The following LINGO2 variants were observed in gnomAD, a reference collection of about 807,000 sequenced individuals.
LINGO2 encodes the protein leucine-rich repeat and immunoglobulin-like domain-containing nogo receptor-interacting protein 2.
A neutral mutation model predicts 30.6 loss-of-function variants in LINGO2; 14 were observed. That is an observed-to-expected ratio of 0.46 (90% CI 0.30 to 0.72). The LOEUF (loss-of-function observed/expected upper bound fraction) is 0.72, where lower values mean the gene tolerates loss of function less well. Among genes scored for constraint, LINGO2 ranks in the 30% least tolerant of loss-of-function variants. The probability of loss-of-function intolerance (pLI) is 0.07; values close to 1 mark genes in which losing one functional copy is unlikely to be tolerated. For missense variants in LINGO2, 729 were observed against 751.7 expected, an observed-to-expected ratio of 0.97 and a Z score of 0.35; for synonymous variants, 317 against 288.5, an observed-to-expected ratio of 1.10 and a Z score of -1.00.
chr9:28,100,436 G>A (rs974280676), intron 4 of LINGO2, among the ~76,000 whole-genome samples: 1 of 152,160 alleles, frequency 6.6e-6, no homozygotes, highest in Non-Finnish European at 1.5e-5. Context: ...TGTAGTAAAT[G>A]CTAACATGGA....
intron 1 of LINGO2, among the ~76,000 whole-genome samples, chr9:28,606,546 G>A (rs1825701979): frequency 6.6e-6 from 1 of 151,936 alleles, no homozygotes; most frequent in Admixed American, 6.6e-5. Context: ...TACAGACTGA[G>A]GGAAATTCTC....
chr9:28,427,894 T>G (rs1312738091), intron 2 of LINGO2, among the ~76,000 whole-genome samples: 2 of 152,238 alleles, frequency 1.3e-5, no homozygotes, highest in East Asian at 3.9e-4. Flanking sequence ...ATGAGGACAT[T>G]CAATAGGTCA....
chr9:28,641,750 G>C (rs1431615227), intron 1 of LINGO2, among the ~76,000 whole-genome samples: 3 of 152,220 alleles, frequency 2.0e-5, no homozygotes, highest in Non-Finnish European at 4.4e-5. Flanking sequence ...TTATGGGCAA[G>C]ACACAGTGAT....
At chr9:28,674,039 A>G (rs1481305593), upstream of LINGO2, among the ~76,000 whole-genome samples, 1 of 152,098 alleles carries the variant, frequency 6.6e-6, no homozygotes, top group Admixed American at 6.6e-5. Context: ...AAAAAAATAC[A>G]GATCCAGTCT....
the LINGO2 span, among the ~76,000 whole-genome samples, chr9:28,716,824 G>A: frequency 6.6e-6 from 1 of 151,958 alleles, no homozygotes; most frequent in Non-Finnish European, 1.5e-5. Flanking sequence ...ACAGATATAT[G>A]CTATTAAACT....
chr9:28,071,816 A>T (rs1825487277), intron 4 of LINGO2, among the ~76,000 whole-genome samples: 1 of 152,138 alleles, frequency 6.6e-6, no homozygotes, highest in African/African-American at 2.4e-5. Context: ...GTAGATATAA[A>T]ATATTGATAT....
At chr9:28,111,331 C>T (rs1379548834) in intron 4 of LINGO2, among the ~76,000 whole-genome samples, 1 of 151,874 alleles carries the variant, frequency 6.6e-6, no homozygotes, top group African/African-American at 2.4e-5. Flanking sequence ...TGGAGCAAAC[C>T]ACTATGACGC....
chr9:27,971,382 T>C (rs139933257), intron 5 of LINGO2, among the ~76,000 whole-genome samples: 1 of 152,084 alleles, frequency 6.6e-6, no homozygotes, highest in Non-Finnish European at 1.5e-5. Context: ...GATTTGAAAT[T>C]TAAATTTTAT....
rs569828477 is a variant in LINGO2, at chr9:28,338,617, G to T, written c.-246+34219C>A. 2.0e-5 allele frequency among the ~76,000 whole-genome samples: 3 copies of T among 152,206 alleles called. No homozygotes were observed. In the South Asian group the frequency reaches 6.2e-4, roughly 32 times the overall value. On this transcript the variant is annotated intron_variant, in intron 3 of 5. Coordinates refer to ENST00000379992, the Ensembl canonical transcript of LINGO2. ...CATGTAGTGGGAGGGACCAGTGGAA[G>T]GTAAGTTAGTCATGGGGGCATTACC... is the stretch of plus-strand genomic sequence containing the variant.
chr9:28,757,490 C>T, the LINGO2 span, among the ~76,000 whole-genome samples: 9 of 151,834 alleles, frequency 5.9e-5, no homozygotes, highest in Non-Finnish European at 1.3e-4. Flanking sequence ...GTAACTTGAC[C>T]CCCCTAAGAC....
At chr9:29,074,219 A>T in the LINGO2 span, among the ~76,000 whole-genome samples, 1 of 152,150 alleles carries the variant, frequency 6.6e-6, no homozygotes, top group African/African-American at 2.4e-5. Flanking sequence ...AATCTACATA[A>T]ATGTATCAAT....
chr9:29,111,819 AG>A, the LINGO2 span, among the ~76,000 whole-genome samples: 1 of 87,858 alleles, frequency 1.1e-5, no homozygotes, highest in Non-Finnish European at 2.4e-5. Flanking sequence ...TCAGATTTAA[AG>A]ATATATATAT....
In LINGO2 at chr9:28,598,280, C is replaced by T. The variant is rs189867475; in HGVS notation, c.-365+71920G>A. Among the ~76,000 whole-genome samples the T allele has an allele frequency of 2.3e-4, 35 of 152,090 alleles. 1 individual carries two copies. Among genetic ancestry groups the T allele is most frequent in the Middle Eastern group, 3.4e-3 (1 of 294 alleles). ...AGCAAAAGTTCTTATATACATCTTA[C>T]ACTCATTCATACTTTTGTTCTGAGA... On this transcript the variant is annotated intron_variant, in intron 1 of 5. Transcript: ENST00000379992.
chr9:28,908,197 C>T, the LINGO2 span, among the ~76,000 whole-genome samples: 4 of 151,438 alleles, frequency 2.6e-5, no homozygotes, highest in African/African-American at 9.7e-5. Flanking sequence ...AAGCAGGTTG[C>T]ACTGCTGTGA....
the LINGO2 span, among the ~76,000 whole-genome samples, chr9:28,711,796 T>C: frequency 6.6e-6 from 1 of 152,106 alleles, no homozygotes; most frequent in Non-Finnish European, 1.5e-5. Flanking sequence ...ATGAGCCAAT[T>C]AATCAAACAC....
intron 1 of LINGO2, among the ~76,000 whole-genome samples, chr9:28,541,308 T>C (rs1306432166): frequency 6.6e-6 from 1 of 152,156 alleles, no homozygotes; most frequent in Non-Finnish European, 1.5e-5. Context: ...GGTTTGGCAG[T>C]AGGTTTAAAA....
the LINGO2 span, among the ~76,000 whole-genome samples, chr9:28,773,322 G>A: frequency 2.4e-4 from 35 of 148,574 alleles, 1 homozygote; most frequent in South Asian, 6.1e-3. Flanking sequence ...CTGAGATCGT[G>A]CCACTGCACT....
intron 4 of LINGO2, among the ~76,000 whole-genome samples, chr9:28,038,556 A>G (rs1025880200): frequency 3.3e-5 from 5 of 151,978 alleles, no homozygotes; most frequent in Non-Finnish European, 4.4e-5. Context: ...AGCCGGGCGT[A>G]GTGGTGGGCG....
At chr9:28,752,749 TA>T in the LINGO2 span, among the ~76,000 whole-genome samples, 11 of 152,060 alleles carry the variant, frequency 7.2e-5, no homozygotes, top group African/African-American at 2.7e-4. Context: ...CTCCTCATCT[TA>T]AACATAAAGC....
Sources: allele counts gnomAD v4.1 joint callset (sites outside exome capture counted in the v4.1 genomes callset), GRCh38; gene constraint gnomAD v4.1.1; transcripts MANE v1.5; gene names NCBI Gene and HGNC (gene_info 2026-07-23, HGNC 2026-07-21).